SLC1A1: variants seen among roughly 807,000 people sequenced by gnomAD.
SLC1A1 encodes the protein excitatory amino acid transporter 3.
SLC1A1 carries 43 observed loss-of-function variants against 53.3 expected under a neutral mutation model. The observed-to-expected ratio is 0.81, with a 90% CI of 0.63 to 1.04. The LOEUF is 1.04. Among genes scored for constraint, SLC1A1 ranks in the 50% least tolerant of loss-of-function variants. SLC1A1 has a pLI of 0.00. For missense variants in SLC1A1, 748 were observed against 664.9 expected (o/e 1.12, Z -1.37); for synonymous variants, 307 against 243.2 (o/e 1.26, Z -2.44).
intron 1 of SLC1A1, among the ~76,000 whole-genome samples, chr9:4,541,977 T>G (rs1439850900): frequency 6.6e-6 from 1 of 152,180 alleles, no homozygotes; most frequent in African/African-American, 2.4e-5. Context: ...ATTTTCCTCA[T>G]CCCGAATCTG....
intron 1 of SLC1A1, among the ~76,000 whole-genome samples, chr9:4,541,401 T>A (rs1335137083): frequency 6.6e-6 from 1 of 152,240 alleles, no homozygotes; most frequent in Non-Finnish European, 1.5e-5. Flanking sequence ...GACAATTTAG[T>A]TCGTTTGTTT....
chr9:4,527,544 T>C (rs1270453165), intron 1 of SLC1A1, among the ~76,000 whole-genome samples: 1 of 152,188 alleles, frequency 6.6e-6, no homozygotes, highest in Non-Finnish European at 1.5e-5. Flanking sequence ...TGTTATGGTA[T>C]ACTACATTTG....
intron 1 of SLC1A1, among the ~76,000 whole-genome samples, chr9:4,536,303 A>T (rs985997455): frequency 2.0e-5 from 3 of 152,136 alleles, no homozygotes; most frequent in Non-Finnish European, 2.9e-5. Flanking sequence ...CATCTCACAA[A>T]GGGCTAATAC....
In SLC1A1 at chr9:4,549,406, C is replaced by T. The variant is rs76087978; in HGVS notation, c.232+4699C>T. Reference sequence around the variant, plus strand: ...AAGTGCAGCTGAGACCACACTTCTACTCAGGACATAATCTTTGCTAAAGGT... The same window carrying T: ...AAGTGCAGCTGAGACCACACTTCTATTCAGGACATAATCTTTGCTAAAGGT... On this transcript the variant is annotated intron_variant, in intron 2 of 11. Transcript: ENST00000262352. This position sits in a 1 kb window ranked among gnomAD's most constrained non-coding sequence, Gnocchi z 4.1. Among the ~76,000 whole-genome samples, 6 of 152,282 alleles carry T rather than the reference C, an allele frequency of 3.9e-5. No individual in the cohort carries two copies. The East Asian group carries it at 9.6e-4, about 24-fold the overall frequency.
In SLC1A1 at chr9:4,566,059, T is replaced by C. The variant is rs1046816399; in HGVS notation, c.453T>C (p.Pro151=). 3.7e-6 allele frequency: 6 copies of C among 1,612,066 alleles called. No homozygotes were observed. The highest frequency in any genetic ancestry group is 4.2e-6 in the Non-Finnish European group (5 of 1,178,274). Residue 151 remains proline (P), a synonymous_variant, in exon 5 of 12, where the codon CCT becomes CCC. Coordinates refer to ENST00000262352, the MANE Select transcript of SLC1A1 (RefSeq NM_004170.6). ...AMLDLIRNMF[P]ENLVQACFQQ... is the part of the protein sequence containing the mutation. ...ATGTCTCCAACAGGAATATGTTCCC[T>C]GAGAATCTTGTCCAGGCCTGTTTTC... is the stretch of plus-strand genomic sequence containing the variant.
chr9:4,495,009 A>C (rs1371084822), intron 1 of SLC1A1, among the ~76,000 whole-genome samples: 1 of 152,228 alleles, frequency 6.6e-6, no homozygotes, highest in East Asian at 1.9e-4. Flanking sequence ...AGCGCTAAGG[A>C]AGCAATCATG....
chr9:4,530,832 A>G (rs1816440767), intron 1 of SLC1A1, among the ~76,000 whole-genome samples: 3 of 152,236 alleles, frequency 2.0e-5, no homozygotes, highest in Admixed American at 6.5e-5. Context: ...TTGAATTAAC[A>G]TACTACAAAG....
intron 5 of SLC1A1, among the ~76,000 whole-genome samples, chr9:4,567,024 A>G (rs1819554209): frequency 6.6e-6 from 1 of 152,160 alleles, no homozygotes; most frequent in African/African-American, 2.4e-5. Flanking sequence ...GGTTGTTTGT[A>G]AGGTTCTCAG....
At chr9:4,516,361 G>A (rs1821160417) in intron 1 of SLC1A1, among the ~76,000 whole-genome samples, 2 of 152,238 alleles carry the variant, frequency 1.3e-5, no homozygotes, top group Non-Finnish European at 1.5e-5. Context: ...TGGCTGTGGG[G>A]ATGTGGCAGA....
intron 1 of SLC1A1, among the ~76,000 whole-genome samples, chr9:4,516,398 T>C (rs1219222562): frequency 1.3e-5 from 2 of 152,250 alleles, no homozygotes; most frequent in African/African-American, 2.4e-5. Context: ...TTGATCTTTT[T>C]TTTCTCTCTG....
chr9:4,545,113 T>G (rs1257609935), intron 2 of SLC1A1, among the ~76,000 whole-genome samples: 2 of 151,452 alleles, frequency 1.3e-5, no homozygotes, highest in Non-Finnish European at 2.9e-5. Context: ...AACCATGTCA[T>G]TCTCTATGAT....
At chr9:4,512,101 G>A (rs1821017926) in intron 1 of SLC1A1, among the ~76,000 whole-genome samples, 1 of 152,148 alleles carries the variant, frequency 6.6e-6, no homozygotes, top group African/African-American at 2.4e-5. Flanking sequence ...TTCATGGATT[G>A]GATGACTCAA....
intron 1 of SLC1A1, among the ~76,000 whole-genome samples, chr9:4,499,204 C>T (rs965622300): frequency 1.8e-4 from 27 of 151,448 alleles, no homozygotes; most frequent in Non-Finnish European, 5.9e-5. Flanking sequence ...ACCACCACAC[C>T]CAGCGAATTT....
chr9:4,545,570 T>C (rs917942088), intron 2 of SLC1A1, among the ~76,000 whole-genome samples: 9 of 152,260 alleles, frequency 5.9e-5, no homozygotes, highest in African/African-American at 1.4e-4. Flanking sequence ...TCAGGGTCTC[T>C]GCACTCCTTA....
chr9:4,531,297 C>G (rs1816460880), intron 1 of SLC1A1, among the ~76,000 whole-genome samples: 1 of 152,194 alleles, frequency 6.6e-6, no homozygotes, highest in African/African-American at 2.4e-5. Flanking sequence ...CAGGGAATTC[C>G]CTTTCCTAGT....
chr9:4,572,659 C>G (rs866623031), intron 7 of SLC1A1, among the ~76,000 whole-genome samples: 3 of 152,254 alleles, frequency 2.0e-5, no homozygotes, highest in Non-Finnish European at 4.4e-5. Flanking sequence ...GCGATCCTCC[C>G]GTCTCAGCTA....
At chr9:4,565,718 A>G (rs1277044715) in intron 4 of SLC1A1, among the ~76,000 whole-genome samples, 1 of 152,180 alleles carries the variant, frequency 6.6e-6, no homozygotes, top group Non-Finnish European at 1.5e-5. Context: ...ATCAGTAAGC[A>G]TACAACCTCA....
At chr9:4,513,727 G>A (rs1257508898) in intron 1 of SLC1A1, among the ~76,000 whole-genome samples, 1 of 152,184 alleles carries the variant, frequency 6.6e-6, no homozygotes, top group East Asian at 1.9e-4. Flanking sequence ...AGGAAAACAT[G>A]TTCACACAAA....
chr9:4,569,483 CT>C (rs1411007305), intron 6 of SLC1A1, among the ~76,000 whole-genome samples: 2 of 152,130 alleles, frequency 1.3e-5, no homozygotes, highest in East Asian at 3.8e-4. Context: ...GCTTTGAGAG[CT>C]TTTGGGATTT....
Sources: allele counts gnomAD v4.1 joint callset (sites outside exome capture counted in the v4.1 genomes callset), GRCh38; gene constraint gnomAD v4.1.1; non-coding constraint Gnocchi (gnomAD v3.1); transcripts MANE v1.5; gene names NCBI Gene and HGNC (gene_info 2026-07-23, HGNC 2026-07-21).